PCDH15: variants seen among roughly 807,000 people sequenced by gnomAD.
PCDH15 encodes protocadherin-15.
Under a neutral mutation model 178.5 loss-of-function variants are expected in PCDH15, and 129 were observed. The observed-to-expected ratio is 0.72, with a 90% confidence interval of 0.63 to 0.84. The LOEUF (loss-of-function observed/expected upper bound fraction) is 0.84. Among genes scored for constraint, PCDH15 ranks in the 40% least tolerant of loss-of-function variants. The pLI is 0.00. For synonymous variants in PCDH15, 800 were observed against 732.0 expected (o/e 1.09, Z -1.50); for missense variants, 2,230 against 2,099.9 (o/e 1.06, Z -1.21).
intron 1 of PCDH15, among the ~76,000 whole-genome samples, chr10:54,739,602 G>T (rs761028439): frequency 1.4e-5 from 2 of 142,194 alleles, no homozygotes; most frequent in Non-Finnish European, 3.1e-5. Flanking sequence ...AGCCACAAAA[G>T]ACCACAAATA....
At chr10:53,909,926 T>G (rs2082952294) in intron 25 of PCDH15, among the ~76,000 whole-genome samples, 1 of 152,138 alleles carries the variant, frequency 6.6e-6, no homozygotes, top group South Asian at 2.1e-4. Flanking sequence ...CTGAGATCAA[T>G]CTGCGAGGCA....
intron 21 of PCDH15, among the ~76,000 whole-genome samples, chr10:53,973,490 G>A (rs1158031275): frequency 1.3e-5 from 2 of 151,772 alleles, no homozygotes; most frequent in South Asian, 2.1e-4. Flanking sequence ...GCGTTACTAC[G>A]GCGATATATT....
chr10:54,737,721 A>G (rs1944297999), intron 1 of PCDH15, among the ~76,000 whole-genome samples: 1 of 152,094 alleles, frequency 6.6e-6, no homozygotes, highest in East Asian at 1.9e-4. Context: ...GAAGTTCTGA[A>G]TCTATGGCAA....
chr10:55,030,049 G>C (rs752642363), intron 2 of PCDH15, among the ~76,000 whole-genome samples: 45 of 152,102 alleles, frequency 3.0e-4, no homozygotes, highest in Non-Finnish European at 6.0e-4. Flanking sequence ...GATGGAATAT[G>C]AGTTTAAAAT....
chr10:55,461,478 G>A (rs924797547), intron 2 of PCDH15, among the ~76,000 whole-genome samples: 6 of 152,052 alleles, frequency 3.9e-5, no homozygotes, highest in Admixed American at 1.3e-4. Context: ...TTTTTGGGGG[G>A]AAAACATTTT....
intron 15 of PCDH15, among the ~76,000 whole-genome samples, chr10:54,095,614 A>G (rs4596980): frequency 0.69 from 105,156 of 151,894 alleles, 36,989 homozygotes; most frequent in Middle Eastern, 0.79. Context: ...TTGCCCAGGA[A>G]GCAAAATAAA....
intron 26 of PCDH15, among the ~76,000 whole-genome samples, chr10:53,896,408 G>A (rs995408319): frequency 1.3e-5 from 2 of 151,956 alleles, no homozygotes; most frequent in African/African-American, 4.8e-5. Context: ...CTATATTCTG[G>A]ATACTGCTCC....
intron 3 of PCDH15, among the ~76,000 whole-genome samples, chr10:54,806,533 G>C (rs112919758): frequency 0.096 from 14,590 of 151,308 alleles, 929 homozygotes; most frequent in Middle Eastern, 0.16. Flanking sequence ...ACCCAGGCTG[G>C]AGTGCAGTGG....
intron 1 of PCDH15, among the ~76,000 whole-genome samples, chr10:54,685,790 A>G (rs1425784673): frequency 6.6e-6 from 1 of 152,208 alleles, no homozygotes; most frequent in African/African-American, 2.4e-5. Flanking sequence ...ATCATCTAAT[A>G]CAAAGTTAAT....
At chr10:55,116,195 G>A (rs552094615) in intron 2 of PCDH15, among the ~76,000 whole-genome samples, 24 of 152,034 alleles carry the variant, frequency 1.6e-4, no homozygotes, top group Non-Finnish European at 1.8e-4. Flanking sequence ...TGAATAAGAC[G>A]TGCAGGTAAA....
intron 15 of PCDH15, among the ~76,000 whole-genome samples, chr10:54,123,851 C>A (rs1314137750): frequency 6.6e-6 from 1 of 152,090 alleles, no homozygotes; most frequent in Non-Finnish European, 1.5e-5. Context: ...TCCTTCTTAG[C>A]AACCTGGATA....
chr10:54,762,953 G>A (rs10763144), intron 1 of PCDH15, among the ~76,000 whole-genome samples: 85,228 of 151,894 alleles, frequency 0.56, 24,161 homozygotes, highest in Middle Eastern at 0.66. Flanking sequence ...ATTCTTTTTC[G>A]CTTTTAAAGC....
intron 3 of PCDH15, among the ~76,000 whole-genome samples, chr10:54,855,145 G>C (rs568985578): frequency 3.0e-4 from 45 of 152,350 alleles, no homozygotes; most frequent in African/African-American, 1.1e-3. Flanking sequence ...ACCAACAGCA[G>C]GGAGAAGCCA....
intron 1 of PCDH15, among the ~76,000 whole-genome samples, chr10:55,173,398 CTTT>C (rs1041022807): frequency 6.7e-6 from 1 of 148,366 alleles, no homozygotes; most frequent in African/African-American, 2.5e-5. Context: ...TAAACATCTT[CTTT>C]AAGATATGTA....
intron 10 of PCDH15, among the ~76,000 whole-genome samples, chr10:54,200,269 CTTTTT>C (rs11377394): frequency 9.4e-6 from 1 of 106,096 alleles, no homozygotes; most frequent in African/African-American, 3.6e-5. Context: ...ACAGAGCCCA[CTTTTT>C]TTTTTTTTTT....
At chr10:54,198,530 C>T in intron 10 of PCDH15, among the ~76,000 whole-genome samples, 1 of 14,642 alleles carries the variant, frequency 6.8e-5, no homozygotes, top group African/African-American at 8.9e-4. Flanking sequence ...GAGACAAAGT[C>T]TCGCTCTGTC....
At chr10:55,520,718 AAT>A (rs1424931534) in intron 2 of PCDH15, among the ~76,000 whole-genome samples, 2 of 151,684 alleles carry the variant, frequency 1.3e-5, no homozygotes, top group African/African-American at 2.4e-5. Flanking sequence ...ATCTATTGCA[AAT>A]AGAGTATTCT....
chr10:54,125,210 C>A (rs1204445873), intron 15 of PCDH15, among the ~76,000 whole-genome samples: 1 of 151,768 alleles, frequency 6.6e-6, no homozygotes, highest in Admixed American at 6.6e-5. Context: ...GTCTGTTTCT[C>A]GTCATTTTCT....
intron 2 of PCDH15, among the ~76,000 whole-genome samples, chr10:54,615,712 C>CAT (rs71010396): frequency 0.94 from 143,322 of 152,090 alleles, 67,707 homozygotes; most frequent in Non-Finnish European, 0.98. Context: ...CAAATAACAA[C>CAT]GTGTGAAGCA....
Sources: gnomAD v4.1 joint callset for allele counts (sites outside exome capture counted in the v4.1 genomes callset) on GRCh38, gnomAD v4.1.1 for gene constraint, MANE v1.5 for transcripts, NCBI Gene and HGNC (gene_info 2026-07-23, HGNC 2026-07-21) for gene names.